Variants in IGLON5 observed in about 807,000 individuals in gnomAD.
IGLON5 encodes Ig-like domain-containing protein ENSP00000270642.
Under a neutral mutation model 38.2 loss-of-function variants are expected in IGLON5, and 16 were observed. The observed-to-expected ratio is 0.42, with a 90% confidence interval of 0.28 to 0.64. IGLON5 has a LOEUF of 0.64. IGLON5 is among the 30% of genes least tolerant of loss of function. IGLON5 has a pLI of 0.23. For synonymous variants in IGLON5, 207 were observed against 216.4 expected (o/e 0.96, Z 0.38); for missense variants, 366 against 483.4 (o/e 0.76, Z 2.28).
Position 51,325,358 on chromosome 19 carries a change from T to A in IGLON5, c.404T>A (p.Ile135Asn), listed in dbSNP as rs1274815687. The change falls in exon 4 of 8, where the codon ATT becomes AAT. Residue 135 changes from isoleucine to asparagine, a missense_variant. Coordinates refer to ENST00000270642, the MANE Select transcript of IGLON5 (RefSeq NM_001101372.3). This position sits in a 1 kb window ranked among gnomAD's most constrained non-coding sequence, Gnocchi z 5.5. The part of the protein sequence containing the change: ...VYLIVHVPAR[I>N]VNISSPVTVN... Reference sequence around the variant, plus strand: ...CCGCTGCCCGCAGTCCCTGCCCGCATTGTGAACATCTCGTCGCCTGTGACG... The same window carrying A: ...CCGCTGCCCGCAGTCCCTGCCCGCAATGTGAACATCTCGTCGCCTGTGACG... 1 of 1,613,716 alleles carries A rather than the reference T, an allele frequency of 6.2e-7. No homozygotes were observed. Among genetic ancestry groups the A allele is most frequent in the African/African-American group, 1.3e-5 (1 of 74,906 alleles).
chr19:51,320,015 G>C (rs939619012), intron 1 of IGLON5, among the ~76,000 whole-genome samples: 1 of 145,706 alleles, frequency 6.9e-6, no homozygotes, highest in African/African-American at 2.6e-5. Context: ...TCCGTGCCTT[G>C]TCCAAGCCTG....
chr19:51,326,233 T>C (rs1264352598), intron 4 of IGLON5, among the ~76,000 whole-genome samples: 3 of 152,048 alleles, frequency 2.0e-5, no homozygotes, highest in South Asian at 2.1e-4. Flanking sequence ...GAGCCTGGTC[T>C]TGACATCTGG....
chr19:51,311,822 TC>T lies in IGLON5; in HGVS notation c.-21del. ...CCCCGGACCGGCCCCCCCTTTCCCC[TC>T]CCCCTCCGCGCCGCCTCTGCCGCGA... On this transcript the variant is annotated 5_prime_UTR_variant, in exon 1 of 8. Transcript: ENST00000270642. The T allele has an allele frequency of 2.4e-6, 1 of 410,588 alleles. No individual in the cohort carries two copies. The highest frequency in any genetic ancestry group is 3.3e-6 in the Non-Finnish European group (1 of 305,938). 25.4% of individuals were successfully genotyped at this position (410,588 alleles called of 1,614,324 possible).
intron 7 of IGLON5, among the ~76,000 whole-genome samples, chr19:51,328,339 C>CAAAA (rs767807401): frequency 2.1e-4 from 26 of 124,160 alleles, no homozygotes; most frequent in African/African-American, 8.6e-4. Flanking sequence ...ATGTCTCTAC[C>CAAAA]AAAAAAAAAA....
Position 51,330,245 on chromosome 19 carries a change from G to C in IGLON5, c.*1486G>C, listed in dbSNP as rs1186564782. On this transcript the variant is annotated 3_prime_UTR_variant, in exon 8 of 8. Coordinates refer to ENST00000270642, the MANE Select transcript of IGLON5 (RefSeq NM_001101372.3). ...TCCATTCCCAGGGTCCAGGGGATGG[G>C]GTGGGACAGGGGAGGGATGCTAGGG... 1 of 152,266 alleles carries C rather than the reference G, an allele frequency of 6.6e-6. No homozygotes were observed. Among genetic ancestry groups the C allele is most frequent in the Non-Finnish European group, 1.5e-5 (1 of 68,110 alleles). 9.4% of individuals were successfully genotyped at this position (152,266 alleles called of 1,614,324 possible). A position where few individuals can be genotyped will look rare whatever the true frequency, so the allele number is the denominator to read the frequency against.
chr19:51,317,522 C>T (rs886151377), intron 1 of IGLON5, among the ~76,000 whole-genome samples: 5 of 152,220 alleles, frequency 3.3e-5, no homozygotes, highest in African/African-American at 1.2e-4. Context: ...ACTGCATTCC[C>T]TGGGCCCCCT....
At chr19:51,319,039 C>T (rs1342124235) in intron 1 of IGLON5, among the ~76,000 whole-genome samples, 3 of 152,218 alleles carry the variant, frequency 2.0e-5, no homozygotes, top group Non-Finnish European at 2.9e-5. Flanking sequence ...GAGACGCTGC[C>T]GACCTCCTAT....
chr19:51,328,883 G>C lies in IGLON5; in HGVS notation c.*124G>C. ...AGCTCTCGGCCACCAAGGAAGAAGA[G>C]AGAGGAGAAGAGGAGGAGGCAGAGG... On this transcript the variant is annotated 3_prime_UTR_variant, in exon 8 of 8. Transcript: ENST00000270642. 3.4e-6 allele frequency: 2 copies of C among 596,046 alleles called. No individual in the cohort carries two copies. Among genetic ancestry groups the C allele is most frequent in the Non-Finnish European group, 5.8e-6 (2 of 345,624 alleles). 36.9% of individuals were successfully genotyped at this position (596,046 alleles called of 1,614,324 possible).
rs1353528040 is a variant in IGLON5, at chr19:51,327,155, T to C, written c.722T>C (p.Met241Thr). The change falls in exon 6 of 8, where the codon ATG becomes ACG. Residue 241 changes from methionine (M) to threonine (T), a missense_variant. Physicochemically the swap from Met to Thr is moderately conservative, Grantham distance 81. Coordinates refer to ENST00000270642, the MANE Select transcript of IGLON5 (RefSeq NM_001101372.3). This position sits in a 1 kb window ranked among gnomAD's most constrained non-coding sequence, Gnocchi z 7.1. ...GCCGCCCTCCTGCGCTGCGAAGCCA[T>C]GGCGGTTCCCCCCGCGGATTTCCAG... ...GRAALLRCEA[M>T]AVPPADFQWY... The C allele has an allele frequency of 3.1e-6, 5 of 1,612,464 alleles. No homozygotes were observed. The highest frequency in any genetic ancestry group is 4.2e-6 in the Non-Finnish European group (5 of 1,179,624).
chr19:51,328,010 A>T, intron 7 of IGLON5, 124 bp downstream of exon 7: 1 of 1,027,070 alleles, frequency 9.7e-7, no homozygotes. Flanking sequence ...GCTGAGACTG[A>T]AAAGCAATGC....
chr19:51,327,609 A>G lies in IGLON5; in HGVS notation c.768-123A>G, dbSNP rs765857274. ...GAGGTACATGAGGTGCTAGAACCCG[A>G]GGCGATGGGTCACTGGGGTAGGGGG... On this transcript the variant is annotated intron_variant, in intron 6 of 7. Coordinates refer to ENST00000270642, the MANE Select transcript of IGLON5 (RefSeq NM_001101372.3). The surrounding 1 kb of genome is among the most constrained non-coding windows in gnomAD (Gnocchi z 7.1). The G allele has an allele frequency of 6.0e-4, 828 of 1,384,614 alleles. 1 individual carries two copies. The highest frequency in any genetic ancestry group is 7.5e-4 in the Non-Finnish European group (781 of 1,035,188). 85.8% of individuals were successfully genotyped at this position (1,384,614 alleles called of 1,614,324 possible). A position where few individuals can be genotyped will look rare whatever the true frequency, so the allele number is the denominator to read the frequency against.
intron 1 of IGLON5, among the ~76,000 whole-genome samples, chr19:51,315,392 A>G (rs1984893159): frequency 1.3e-5 from 2 of 152,282 alleles, no homozygotes; most frequent in African/African-American, 2.4e-5. Flanking sequence ...TTGTTGGTTC[A>G]TATAGCAAAT....
chr19:51,314,186 T>A (rs1400367814), intron 1 of IGLON5, among the ~76,000 whole-genome samples: 2 of 97,898 alleles, frequency 2.0e-5, no homozygotes, highest in Non-Finnish European at 3.6e-5. Context: ...TCACATTCAC[T>A]ATTTTTTTTT....
Position 51,327,055 on chromosome 19 carries a change from T to C in IGLON5, c.647-25T>C, listed in dbSNP as rs765411659. 7 of 1,601,222 alleles carry C rather than the reference T, an allele frequency of 4.4e-6. No individual in the cohort carries two copies. The highest frequency in any genetic ancestry group is 5.1e-6 in the Non-Finnish European group (6 of 1,173,334). On this transcript the variant is annotated intron_variant, in intron 5 of 7. Transcript: ENST00000270642. This position sits in a 1 kb window ranked among gnomAD's most constrained non-coding sequence, Gnocchi z 7.1. ...CTTCGTCCCCACGCGGCTAGGAGAA[T>C]TCGCTGACCCTTGCCCCTCGCCAGA...
chr19:51,314,117 C>G (rs1984851913), intron 1 of IGLON5, among the ~76,000 whole-genome samples: 1 of 151,902 alleles, frequency 6.6e-6, no homozygotes, highest in African/African-American at 2.4e-5. Flanking sequence ...TGACCTTTCC[C>G]CCACTTTCCT....
At chr19:51,317,992 C>T (rs1984963286) in intron 1 of IGLON5, among the ~76,000 whole-genome samples, 1 of 152,166 alleles carries the variant, frequency 6.6e-6, no homozygotes, top group Admixed American at 6.5e-5. Context: ...TTTCCACAAA[C>T]ACTTCCCAGT....
intron 2 of IGLON5, 111 bp from the exon 3 acceptor site, chr19:51,323,551 T>C (rs900389644): frequency 5.9e-5 from 49 of 837,344 alleles, no homozygotes; most frequent in Middle Eastern, 4.6e-4. Context: ...CTCACAGGGC[T>C]GTGGTGGGAC....
chr19:51,327,387 T>A lies in IGLON5; in HGVS notation c.767+187T>A, dbSNP rs1985244718. Among the ~76,000 whole-genome samples, 1 of 152,048 alleles carries A rather than the reference T, an allele frequency of 6.6e-6. No homozygotes were observed. Among genetic ancestry groups the A allele is most frequent in the African/African-American group, 2.4e-5 (1 of 41,374 alleles). ...GAGACAAGCTTGGGTCCCCGCTTGATGAATGCTGGAACCCCGTCTCCCCGG... is the reference window on the plus strand; with the variant it reads ...GAGACAAGCTTGGGTCCCCGCTTGAAGAATGCTGGAACCCCGTCTCCCCGG... On this transcript the variant is annotated intron_variant, in intron 6 of 7. Coordinates refer to ENST00000270642, the MANE Select transcript of IGLON5 (RefSeq NM_001101372.3). This position sits in a 1 kb window ranked among gnomAD's most constrained non-coding sequence, Gnocchi z 7.1.
At chr19:51,313,582 TC>T (rs1984822189) in intron 1 of IGLON5, among the ~76,000 whole-genome samples, 1 of 131,672 alleles carries the variant, frequency 7.6e-6, no homozygotes, top group African/African-American at 3.4e-5. Flanking sequence ...TTTTTCTTTC[TC>T]TTTCCTTCTT....
Sources: allele counts gnomAD v4.1 joint callset (sites outside exome capture counted in the v4.1 genomes callset), GRCh38; gene constraint gnomAD v4.1.1; non-coding constraint Gnocchi (gnomAD v3.1); transcripts MANE v1.5; gene names NCBI Gene and HGNC (gene_info 2026-07-23, HGNC 2026-07-21).